Variants in TAFA1 observed in about 807,000 individuals in gnomAD.
TAFA1 encodes chemokine-like protein TAFA-1.
Under a neutral mutation model 18.5 loss-of-function variants are expected in TAFA1, and 4 were observed. The observed-to-expected ratio is 0.22, with a 90% CI of 0.11 to 0.49. TAFA1 has a LOEUF of 0.49. Among genes scored for constraint, TAFA1 ranks in the 20% least tolerant of loss-of-function variants. The pLI is 0.98. For missense variants in TAFA1, 147 were observed against 169.0 expected, an observed-to-expected ratio of 0.87 and a Z score of 0.72; for synonymous variants, 56 against 55.2, an observed-to-expected ratio of 1.01 and a Z score of -0.06.
intron 3 of TAFA1, among the ~76,000 whole-genome samples, chr3:68,518,798 C>T (rs2072969318): frequency 6.6e-6 from 1 of 152,068 alleles, no homozygotes; most frequent in Non-Finnish European, 1.5e-5. Flanking sequence ...AAGATAAACC[C>T]AAGTACCACA....
intron 3 of TAFA1, among the ~76,000 whole-genome samples, chr3:68,499,687 C>T (rs955923751): frequency 1.3e-5 from 2 of 151,374 alleles, no homozygotes; most frequent in African/African-American, 4.8e-5. Flanking sequence ...TTGATAAAAC[C>T]CCATTAGTTT....
intron 2 of TAFA1, among the ~76,000 whole-genome samples, chr3:68,032,879 A>C (rs1704967740): frequency 6.6e-6 from 1 of 152,146 alleles, no homozygotes; most frequent in Non-Finnish European, 1.5e-5. Flanking sequence ...TGCGCTTTTC[A>C]GTTCTTTTCA....
intron 2 of TAFA1, among the ~76,000 whole-genome samples, chr3:68,056,150 G>C (rs546983627): frequency 6.6e-6 from 1 of 152,258 alleles, no homozygotes; most frequent in East Asian, 1.9e-4. Context: ...TTCAATCTTA[G>C]GTAAGAGTCT....
At chr3:68,476,825 T>C (rs2072106324) in intron 3 of TAFA1, among the ~76,000 whole-genome samples, 1 of 152,228 alleles carries the variant, frequency 6.6e-6, no homozygotes, top group Non-Finnish European at 1.5e-5. Flanking sequence ...ATTAGTGTTT[T>C]ATACCAATAT....
At chr3:68,483,685 C>T (rs1172383755) in intron 3 of TAFA1, among the ~76,000 whole-genome samples, 1 of 152,174 alleles carries the variant, frequency 6.6e-6, no homozygotes, top group Non-Finnish European at 1.5e-5. Context: ...TTGAAAAATA[C>T]CTCCCTGAAA....
chr3:68,227,534 A>G (rs1310453234), intron 2 of TAFA1, among the ~76,000 whole-genome samples: 4 of 152,272 alleles, frequency 2.6e-5, no homozygotes, highest in African/African-American at 9.6e-5. Context: ...TTCAAACTCA[A>G]AATGACACTT....
intron 2 of TAFA1, among the ~76,000 whole-genome samples, chr3:68,094,919 C>T (rs1391283196): frequency 1.3e-5 from 2 of 152,140 alleles, no homozygotes; most frequent in African/African-American, 4.8e-5. Flanking sequence ...TGCTTTAGCT[C>T]CTGTTGGTCA....
chr3:68,417,106 C>T (rs1329334716), intron 2 of TAFA1, among the ~76,000 whole-genome samples, 174 bp from the exon 3 acceptor site: 3 of 152,208 alleles, frequency 2.0e-5, no homozygotes, highest in African/African-American at 7.2e-5. Context: ...AAGTACAGCA[C>T]TGTCCTCTCT....
At chr3:68,124,365 C>T (rs2065439726) in intron 2 of TAFA1, among the ~76,000 whole-genome samples, 3 of 152,154 alleles carry the variant, frequency 2.0e-5, no homozygotes, top group Admixed American at 2.0e-4. Context: ...TATCAGATAA[C>T]TTTACGTGGT....
chr3:68,044,119 C>G (rs546786394), intron 2 of TAFA1, among the ~76,000 whole-genome samples: 1 of 152,110 alleles, frequency 6.6e-6, no homozygotes, highest in Non-Finnish European at 1.5e-5. Flanking sequence ...GGATGAGAAC[C>G]CTTTCTGTTA....
chr3:68,393,936 C>A (rs887432975), intron 2 of TAFA1, among the ~76,000 whole-genome samples: 3 of 152,128 alleles, frequency 2.0e-5, no homozygotes, highest in Non-Finnish European at 4.4e-5. Flanking sequence ...TGGAAGCATT[C>A]CCTTTGAAAA....
intron 3 of TAFA1, among the ~76,000 whole-genome samples, chr3:68,516,632 A>G (rs1053703720): frequency 4.6e-5 from 7 of 152,208 alleles, no homozygotes; most frequent in African/African-American, 1.7e-4. Context: ...TCCTGCTGCT[A>G]GAAGAGGCAA....
intron 3 of TAFA1, among the ~76,000 whole-genome samples, chr3:68,475,345 T>G (rs1407890394): frequency 6.6e-6 from 1 of 151,456 alleles, no homozygotes; most frequent in Non-Finnish European, 1.5e-5. Flanking sequence ...GTGTGTGATG[T>G]TCCCCTTCCT....
intron 2 of TAFA1, among the ~76,000 whole-genome samples, chr3:68,141,138 G>A (rs1255247803): frequency 1.3e-5 from 2 of 152,148 alleles, no homozygotes; most frequent in African/African-American, 2.4e-5. Flanking sequence ...GCTCTTTGGA[G>A]TCTAAGAATA....
chr3:67,993,077 G>A, the TAFA1 span, among the ~76,000 whole-genome samples: 2 of 152,214 alleles, frequency 1.3e-5, no homozygotes, highest in Non-Finnish European at 2.9e-5. Context: ...AGACACAACA[G>A]GGGGCTTCTT....
At chr3:67,997,117 G>A in the TAFA1 span, among the ~76,000 whole-genome samples, 2 of 152,028 alleles carry the variant, frequency 1.3e-5, no homozygotes, top group Non-Finnish European at 2.9e-5. Flanking sequence ...GAAAGACAGA[G>A]CAAGGATTTT....
At chr3:68,251,731 C>T (rs1305910096) in intron 2 of TAFA1, among the ~76,000 whole-genome samples, 1 of 152,180 alleles carries the variant, frequency 6.6e-6, no homozygotes, top group Non-Finnish European at 1.5e-5. Flanking sequence ...AGCATGGCCT[C>T]TGTGAGTGAA....
At position 68,144,890 on chromosome 3, in the gene TAFA1, C is replaced by A. The variant is rs2065718015; in HGVS notation, c.118+138146C>A. 4.5e-6 allele frequency: 3 copies of A among 662,270 alleles called. No individual in the cohort carries two copies. The East Asian group carries it at 8.2e-5, about 18-fold the overall frequency. The allele number at this position is 662,270 out of a possible 1,614,324, so 41.0% of individuals were successfully genotyped here. A position where few individuals can be genotyped will look rare whatever the true frequency, so the allele number is the denominator to read the frequency against. ...TTACATTTACATTCCATTTCCTCAT[C>A]AAAAAATTGGAGATAATAATAGGTC... On this transcript the variant is annotated intron_variant, in intron 2 of 4. Coordinates refer to ENST00000478136, the MANE Select transcript of TAFA1 (RefSeq NM_213609.4).
intron 2 of TAFA1, among the ~76,000 whole-genome samples, chr3:68,164,051 G>T (rs556648590): frequency 6.6e-6 from 1 of 152,280 alleles, no homozygotes; most frequent in South Asian, 2.1e-4. Context: ...AAATGCTTTA[G>T]CTTGGATTGC....
Sources: allele counts gnomAD v4.1 joint callset (sites outside exome capture counted in the v4.1 genomes callset), GRCh38; gene constraint gnomAD v4.1.1; transcripts MANE v1.5; gene names NCBI Gene and HGNC (gene_info 2026-07-23, HGNC 2026-07-21).